CCDC47: variants seen among roughly 807,000 people sequenced by gnomAD.
The protein encoded by CCDC47 is PAT complex subunit CCDC47.
In CCDC47, 41 loss-of-function variants were observed where a neutral mutation model predicts 60.5. The ratio of observed to expected loss-of-function variants is 0.68; its 90% CI spans 0.53 to 0.88. The LOEUF is 0.88. CCDC47 is among the 40% of genes least tolerant of loss of function. The pLI is 0.00. For synonymous variants in CCDC47, 195 were observed against 190.7 expected (o/e 1.02, Z -0.18); for missense variants, 513 against 580.9 (o/e 0.88, Z 1.20).
intron 4 of CCDC47, among the ~76,000 whole-genome samples, chr17:63,763,766 G>C (rs920015441): frequency 1.3e-5 from 2 of 151,896 alleles, no homozygotes; most frequent in African/African-American, 4.8e-5. Context: ...GGAGGTTGCA[G>C]TGAGCCGAGA....
At chr17:63,752,843 T>C (rs747357268) in intron 9 of CCDC47, 44 bp from the exon 10 acceptor site, 3 of 1,594,580 alleles carry the variant, frequency 1.9e-6, no homozygotes, top group East Asian at 2.3e-5. Flanking sequence ...ACAAGAAAGA[T>C]GTTTTCCATG....
chr17:63,752,713 G>T, intron 10 of CCDC47, 28 bp downstream of exon 10: 1 of 1,599,502 alleles, frequency 6.3e-7, no homozygotes, highest in Non-Finnish European at 8.5e-7. Context: ...AGAAGACTAA[G>T]AACCCAGAAA....
chr17:63,757,346 G>C (rs550306043), intron 6 of CCDC47, among the ~76,000 whole-genome samples: 1 of 148,534 alleles, frequency 6.7e-6, no homozygotes, highest in East Asian at 2.0e-4. Flanking sequence ...CATGCTAGGT[G>C]ACAGAGCAAG....
chr17:63,763,920 C>A, intron 4 of CCDC47, 96 bp downstream of exon 4: 2 of 849,096 alleles, frequency 2.4e-6, no homozygotes, highest in South Asian at 4.4e-5. Flanking sequence ...CTTTGGTATT[C>A]CATGAAAGCA....
At chr17:63,760,836 CAAAAAAA>C (rs374704881) in intron 6 of CCDC47, 71 bp downstream of exon 6, 4 of 793,912 alleles carry the variant, frequency 5.0e-6, no homozygotes, top group Non-Finnish European at 5.6e-6. Flanking sequence ...GAGACTCCAT[CAAAAAAA>C]AAAAAAAAAA....
At chr17:63,761,108 T>G in intron 5 of CCDC47, 122 bp downstream of exon 5, 1 of 1,427,858 alleles carries the variant, frequency 7.0e-7, no homozygotes, top group South Asian at 1.2e-5. Context: ...AGTATAAATA[T>G]CACTTTTAGA....
intron 12 of CCDC47, chr17:63,747,631 C>CA (rs1471999790): frequency 1.0e-6 from 1 of 985,348 alleles, no homozygotes; most frequent in African/African-American, 1.7e-5. Context: ...CACTAGTGGT[C>CA]ACACCTGATT....
intron 12 of CCDC47, among the ~76,000 whole-genome samples, chr17:63,748,081 C>T (rs1252540674): frequency 6.6e-6 from 1 of 151,470 alleles, no homozygotes; most frequent in African/African-American, 2.5e-5. Flanking sequence ...TCTCAAACTC[C>T]TGACCTCAGG....
At position 63,754,451 on chromosome 17, in the gene CCDC47, CCA is replaced by C. The variant is rs2071966066; in HGVS notation, c.1014_1015del (p.Gly339SerfsTer15). ...TACGTACTCTTGCATAATTTTTGGA[CCA>C]GAGAACTGGTCTGAAAAATGAACAG... is the stretch of plus-strand genomic sequence containing the variant. On this transcript the variant is annotated frameshift_variant, in exon 9 of 13. Coordinates refer to ENST00000225726, the MANE Select transcript of CCDC47 (RefSeq NM_020198.3). LOFTEE classifies it high-confidence loss of function. 1 of 1,602,228 alleles carries C rather than the reference CCA, an allele frequency of 6.2e-7. No homozygotes were observed. The highest frequency in any genetic ancestry group is 8.5e-7 in the Non-Finnish European group (1 of 1,171,212).
At chr17:63,768,971 C>T (rs2039316074) in intron 1 of CCDC47, among the ~76,000 whole-genome samples, 1 of 151,736 alleles carries the variant, frequency 6.6e-6, no homozygotes, top group Non-Finnish European at 1.5e-5. Context: ...GTAATCCCAG[C>T]TACTTGGGAG....
chr17:63,765,719 A>G (rs2039292899), intron 2 of CCDC47, 193 bp downstream of exon 2: 38 of 1,393,742 alleles, frequency 2.7e-5, no homozygotes, highest in Non-Finnish European at 3.5e-5. Flanking sequence ...CAGGGTTTCA[A>G]TAGAAGAACA....
intron 3 of CCDC47, 124 bp from the exon 4 acceptor site, chr17:63,764,314 A>T: frequency 1.4e-6 from 1 of 704,100 alleles, no homozygotes; most frequent in Non-Finnish European, 2.3e-6. Flanking sequence ...TCATTGAATA[A>T]GGTTATACTT....
intron 1 of CCDC47, among the ~76,000 whole-genome samples, chr17:63,767,640 G>A (rs913099124): frequency 2.6e-5 from 4 of 151,762 alleles, no homozygotes; most frequent in East Asian, 1.9e-4. Flanking sequence ...CAAACTTTTC[G>A]TGTATCTAGT....
At chr17:63,765,592 G>C in intron 2 of CCDC47, 1 of 554,992 alleles carries the variant, frequency 1.8e-6, no homozygotes, top group Non-Finnish European at 2.3e-6. Context: ...TGCCTGCCTT[G>C]GCCTCCCAAA....
At chr17:63,771,627 C>G (rs2039342468) in intron 1 of CCDC47, among the ~76,000 whole-genome samples, 1 of 152,190 alleles carries the variant, frequency 6.6e-6, no homozygotes, top group African/African-American at 2.4e-5. Flanking sequence ...TCCACTTCCA[C>G]TAGGCCTAAG....
chr17:63,746,742 A>G lies in CCDC47; in HGVS notation c.*139T>C. 2 of 671,502 alleles carry G rather than the reference A, an allele frequency of 3.0e-6. No homozygotes were observed. Among genetic ancestry groups the G allele is most frequent in the South Asian group, 1.9e-5 (1 of 51,990 alleles). The allele number at this position is 671,502 out of a possible 1,614,324, so 41.6% of individuals were successfully genotyped here. On this transcript the variant is annotated 3_prime_UTR_variant, in exon 13 of 13. Coordinates refer to ENST00000225726, the MANE Select transcript of CCDC47 (RefSeq NM_020198.3). ...CTGTAAAACCCCAAACCCCAAACAGAGTAGATGATGAAATAAGGATTTCTC... is the reference window on the plus strand; with the variant it reads ...CTGTAAAACCCCAAACCCCAAACAGGGTAGATGATGAAATAAGGATTTCTC...
chr17:63,771,013 A>AAGG (rs2039335185), intron 1 of CCDC47, among the ~76,000 whole-genome samples: 1 of 110,178 alleles, frequency 9.1e-6, no homozygotes, highest in Non-Finnish European at 1.8e-5. Context: ...AGAAAGAAAG[A>AAGG]AAGGAAGGAA....
chr17:63,765,963 CAACTCCACAGTG>C lies in CCDC47; in HGVS notation c.201_212del (p.Thr68_Leu71del). ...CTTCTTGGTTTTCATCCTGCCCTTC[CAACTCCACAGTG>C]GTCTCATCTTCATCATCTTCAGTGA... is the stretch of plus-strand genomic sequence containing the variant. On this transcript the variant is annotated inframe_deletion, in exon 2 of 13. Transcript: ENST00000225726. 1 of 1,614,068 alleles carries C rather than the reference CAACTCCACAGTG, an allele frequency of 6.2e-7. No homozygotes were observed.
At chr17:63,763,701 G>A (rs973643161) in intron 4 of CCDC47, among the ~76,000 whole-genome samples, 1 of 148,332 alleles carries the variant, frequency 6.7e-6, no homozygotes, top group Non-Finnish European at 1.5e-5. Flanking sequence ...GTGCACGCCT[G>A]TAGTCCCAGC....
Sources: allele counts gnomAD v4.1 joint callset (sites outside exome capture counted in the v4.1 genomes callset), GRCh38; gene constraint gnomAD v4.1.1; transcripts MANE v1.5; gene names NCBI Gene and HGNC (gene_info 2026-07-23, HGNC 2026-07-21).